The following TNS3 variants were observed in gnomAD, a reference collection of about 807,000 sequenced individuals.
TNS3 encodes the protein tensin-3.
Under a neutral mutation model 140.9 loss-of-function variants are expected in TNS3, and 45 were observed. The observed-to-expected ratio is 0.32, with a 90% confidence interval of 0.25 to 0.41. The LOEUF is 0.41. TNS3 is among the 10% of genes least tolerant of loss of function. TNS3 has a pLI of 1.00. For missense variants in TNS3, 1,716 were observed against 1,906.7 expected (o/e 0.90, Z 1.86); for synonymous variants, 815 against 788.4 (o/e 1.03, Z -0.56).
At chr7:47,385,607 A>G (rs1361197552) in intron 16 of TNS3, among the ~76,000 whole-genome samples, 1 of 152,094 alleles carries the variant, frequency 6.6e-6, no homozygotes, top group African/African-American at 2.4e-5. Flanking sequence ...CTCTGCCTTC[A>G]CTCCCCAGGT....
At chr7:47,340,115 ATTTTTTTTTTTTT>A (rs770520080) in intron 20 of TNS3, among the ~76,000 whole-genome samples, 1 of 28,578 alleles carries the variant, frequency 3.5e-5, no homozygotes, top group Non-Finnish European at 6.8e-5. Flanking sequence ...ATATATATAT[ATTTTTTTTTTTTT>A]TTTTTTTTTT....
At chr7:47,375,215 A>T (rs140753842) in intron 16 of TNS3, among the ~76,000 whole-genome samples, 2 of 152,224 alleles carry the variant, frequency 1.3e-5, no homozygotes, top group Non-Finnish European at 2.9e-5. Flanking sequence ...GCAGGAGGAG[A>T]ACCTTTCCAC....
At chr7:47,375,731 C>T (rs1028883354) in intron 16 of TNS3, among the ~76,000 whole-genome samples, 2 of 152,232 alleles carry the variant, frequency 1.3e-5, no homozygotes, top group Non-Finnish European at 2.9e-5. Context: ...TGCTCCCCGG[C>T]ATGCTAACAA....
At chr7:47,345,770 G>A (rs1375593779) in intron 18 of TNS3, among the ~76,000 whole-genome samples, 4 of 152,176 alleles carry the variant, frequency 2.6e-5, no homozygotes, top group Non-Finnish European at 5.9e-5. Flanking sequence ...CTGAAGGAAG[G>A]CTGTGTGTGC....
chr7:47,292,689 T>G (rs1255855540), intron 26 of TNS3, 139 bp downstream of exon 26: 2 of 669,542 alleles, frequency 3.0e-6, no homozygotes, highest in Non-Finnish European at 4.9e-6. Context: ...ATTGGCCTTT[T>G]CTTGGGTTCA....
At chr7:47,537,201 C>G (rs1003180902) in intron 1 of TNS3, among the ~76,000 whole-genome samples, 9 of 152,034 alleles carry the variant, frequency 5.9e-5, no homozygotes, top group Non-Finnish European at 5.9e-5. Context: ...GGATGCCTCC[C>G]GAGTCCCCTG....
At chr7:47,318,712 C>A (rs1787554208) in intron 20 of TNS3, among the ~76,000 whole-genome samples, 1 of 152,108 alleles carries the variant, frequency 6.6e-6, no homozygotes, top group African/African-American at 2.4e-5. Context: ...GAGCCCTGGG[C>A]TGATTATCAT....
intron 2 of TNS3, among the ~76,000 whole-genome samples, chr7:47,527,029 G>C (rs1034505051): frequency 1.3e-5 from 2 of 151,600 alleles, no homozygotes; most frequent in Admixed American, 6.6e-5. Context: ...TCAGGAGATG[G>C]AGACCATCCT....
At chr7:47,540,342 A>G (rs1799749377) in intron 1 of TNS3, among the ~76,000 whole-genome samples, 1 of 152,206 alleles carries the variant, frequency 6.6e-6, no homozygotes, top group African/African-American at 2.4e-5. Flanking sequence ...CAAACCAGCC[A>G]TCAGGAAGAG....
Position 47,435,421 on chromosome 7 carries a change from G to A in TNS3, c.202-17C>T. On this transcript the variant is annotated splice_polypyrimidine_tract_variant and intron_variant, in intron 7 of 30. Transcript: ENST00000311160. The stretch of plus-strand genomic sequence containing the variant: ...ATCCATGATCTGCAACAAGAAAGGG[G>A]AGCTTCCTCGGTTTCCATTTCCTAA... 1 of 1,612,112 alleles carries A rather than the reference G, an allele frequency of 6.2e-7. No homozygotes were observed. The highest frequency in any genetic ancestry group is 8.5e-7 in the Non-Finnish European group (1 of 1,179,906).
chr7:47,338,861 A>C (rs1408737246), intron 20 of TNS3, among the ~76,000 whole-genome samples: 1 of 152,132 alleles, frequency 6.6e-6, no homozygotes, highest in Non-Finnish European at 1.5e-5. Context: ...TATATCCGGT[A>C]ATGGGACTGC....
chr7:47,572,362 G>A (rs1194242291), intron 1 of TNS3, among the ~76,000 whole-genome samples: 3 of 152,198 alleles, frequency 2.0e-5, no homozygotes, highest in Non-Finnish European at 4.4e-5. Flanking sequence ...TGCTTCTCAC[G>A]CCCACTGCTG....
At chr7:47,305,488 T>C (rs1363476448) in intron 20 of TNS3, among the ~76,000 whole-genome samples, 1 of 152,240 alleles carries the variant, frequency 6.6e-6, no homozygotes, top group East Asian at 1.9e-4. Context: ...CCGGGCGGCC[T>C]AGGTGTCCTC....
chr7:47,501,225 GAAGA>G (rs1798212744), intron 3 of TNS3, among the ~76,000 whole-genome samples: 3 of 150,340 alleles, frequency 2.0e-5, no homozygotes. Flanking sequence ...AGGGAGAAAG[GAAGA>G]GAGAAAGAAA....
chr7:47,542,660 G>C (rs914814011), intron 1 of TNS3, among the ~76,000 whole-genome samples: 4 of 152,114 alleles, frequency 2.6e-5, no homozygotes, highest in Non-Finnish European at 5.9e-5. Context: ...GGCCGAGCAC[G>C]GTGGCTCAAC....
At chr7:47,460,168 G>A (rs1377970006) in intron 4 of TNS3, among the ~76,000 whole-genome samples, 14 of 143,166 alleles carry the variant, frequency 9.8e-5, no homozygotes, top group Admixed American at 7.2e-4. Context: ...AGCCGAGATC[G>A]CACCACTGCA....
At chr7:47,316,968 C>T (rs1787450864) in intron 20 of TNS3, among the ~76,000 whole-genome samples, 1 of 152,012 alleles carries the variant, frequency 6.6e-6, no homozygotes, top group South Asian at 2.1e-4. Context: ...AATCAAAGTC[C>T]TACAGATACA....
Position 47,373,676 on chromosome 7 carries a change from C to CA in TNS3, c.1025-4056dup, listed in dbSNP as rs1211868960. ...CATTCAGAAGAACTGCACCTTTACC[C>CA]ACTGGAACTCAGGCTCACTGAGGGC... On this transcript the variant is annotated intron_variant, in intron 16 of 30. Coordinates refer to ENST00000311160, the MANE Select transcript of TNS3 (RefSeq NM_022748.12). Among the ~76,000 whole-genome samples the CA allele has an allele frequency of 2.0e-5, 3 of 152,328 alleles. No homozygotes were observed. The East Asian group carries it at 5.8e-4, about 29-fold the overall frequency.
intron 20 of TNS3, among the ~76,000 whole-genome samples, chr7:47,328,956 G>C (rs1210749457): frequency 6.6e-6 from 1 of 152,102 alleles, no homozygotes; most frequent in African/African-American, 2.4e-5. Flanking sequence ...TTGCTCATAT[G>C]CTTCTCTCAT....
Sources: gnomAD v4.1 joint callset for allele counts (sites outside exome capture counted in the v4.1 genomes callset) on GRCh38, gnomAD v4.1.1 for gene constraint, MANE v1.5 for transcripts, NCBI Gene and HGNC (gene_info 2026-07-23, HGNC 2026-07-21) for gene names.